RIC3: variants seen among roughly 807,000 people sequenced by gnomAD.
RIC3 encodes RIC3 acetylcholine receptor chaperone.
A neutral mutation model predicts 27.3 loss-of-function variants in RIC3; 28 were observed. The observed-to-expected ratio is 1.02, with a 90% confidence interval of 0.76 to 1.41. RIC3 has a LOEUF of 1.41. RIC3 is among the 40% of genes most tolerant of loss of function. The pLI, the probability that RIC3 is intolerant of heterozygous loss-of-function variation, is 0.00. For synonymous variants in RIC3, 184 were observed against 160.4 expected, an observed-to-expected ratio of 1.15 and a Z score of -1.11; for missense variants, 501 against 444.7, an observed-to-expected ratio of 1.13 and a Z score of -1.14.
chr11:8,109,688 G>T lies in RIC3; in HGVS notation c.*1010C>A, dbSNP rs1436410449. 6.6e-6 allele frequency: 1 copy of T among 152,106 alleles called. No homozygotes were observed. The highest frequency in any genetic ancestry group is 2.4e-5 in the African/African-American group (1 of 41,428). 9.4% of individuals were successfully genotyped at this position (152,106 alleles called of 1,614,324 possible). A position where few individuals can be genotyped will look rare whatever the true frequency, so the allele number is the denominator to read the frequency against. On this transcript the variant is annotated 3_prime_UTR_variant, in exon 6 of 6. Coordinates refer to ENST00000309737, the MANE Select transcript of RIC3 (RefSeq NM_001206671.4). ...GGTTCTGAGAAGAAATTTCTCAAAGGGTGCAACATTCAGAAACAGCTTTAG... is the reference window on the plus strand; with the variant it reads ...GGTTCTGAGAAGAAATTTCTCAAAGTGTGCAACATTCAGAAACAGCTTTAG...
At chr11:8,095,262 C>G in the RIC3 span, among the ~76,000 whole-genome samples, 1 of 152,194 alleles carries the variant, frequency 6.6e-6, no homozygotes, top group African/African-American at 2.4e-5. Context: ...GTGTTGTAAA[C>G]CAACCCTCGG....
Position 8,140,023 on chromosome 11 carries a change from T to C in RIC3, c.295A>G (p.Ile99Val). 6.2e-7 allele frequency: 1 copy of C among 1,614,084 alleles called. No individual in the cohort carries two copies. Among genetic ancestry groups the C allele is most frequent in the Non-Finnish European group, 8.5e-7 (1 of 1,180,002 alleles). ...ATCCCAAAACCGTAGATTGGAATAA[T>C]CTGCCCCATCAGACCTCTTCCACTA... ...GGSGRGLMGQ[I>V]IPIYGFGIFL... The change falls in exon 2 of 6, where the codon ATT becomes GTT. Residue 99 changes from isoleucine to valine, a missense_variant. Physicochemically the swap from Ile to Val is conservative, Grantham distance 29 (BLOSUM62 3). Transcript: ENST00000309737.
chr11:8,139,941 A>G (rs1371365921), intron 2 of RIC3, 26 bp downstream of exon 2: 1 of 1,576,966 alleles, frequency 6.3e-7, no homozygotes, highest in Non-Finnish European at 8.7e-7. Flanking sequence ...TCATTGATGT[A>G]ATATGATTAG....
the RIC3 span, among the ~76,000 whole-genome samples, chr11:8,098,242 G>C: frequency 1.3e-5 from 2 of 152,038 alleles, no homozygotes; most frequent in African/African-American, 4.8e-5. Flanking sequence ...AAGGCTCTGA[G>C]CCTAGGCCTC....
At chr11:8,104,356 ACTTCCCCAACT>A (rs1183080652), downstream of RIC3, 1 of 152,272 alleles carries the variant, frequency 6.6e-6, no homozygotes, top group Non-Finnish European at 1.5e-5. Flanking sequence ...GGTGAAGTTC[ACTTCCCCAACT>A]CTTCTCCAAG....
intron 1 of RIC3, among the ~76,000 whole-genome samples, chr11:8,161,967 T>A (rs1301076802): frequency 1.1e-5 from 1 of 93,902 alleles, no homozygotes; most frequent in Non-Finnish European, 2.2e-5. Context: ...TTGCTATAAA[T>A]GAGACACTCA....
At chr11:8,127,363 T>C (rs370933848) in intron 4 of RIC3, among the ~76,000 whole-genome samples, 2 of 152,132 alleles carry the variant, frequency 1.3e-5, no homozygotes, top group South Asian at 4.1e-4. Context: ...ACTAGAGAAA[T>C]TGAGGAAACT....
At chr11:8,131,142 ACTC>A (rs1947648579) in intron 4 of RIC3, among the ~76,000 whole-genome samples, 1 of 144,754 alleles carries the variant, frequency 6.9e-6, no homozygotes, top group Non-Finnish European at 1.5e-5. Context: ...TCACTCACTC[ACTC>A]TTCTACTTCA....
chr11:8,097,091 C>T, the RIC3 span: 1 of 970,644 alleles, frequency 1.0e-6, no homozygotes, highest in Non-Finnish European at 1.5e-6. Context: ...ACCCCAGGCC[C>T]AGGCTGGCCA....
chr11:8,131,224 C>T (rs1401484859), intron 4 of RIC3, among the ~76,000 whole-genome samples: 2 of 152,162 alleles, frequency 1.3e-5, no homozygotes, highest in Admixed American at 6.5e-5. Flanking sequence ...TAATCCCTGA[C>T]CTCACGGAGC....
chr11:8,152,793 T>C lies in RIC3; in HGVS notation c.125-12600A>G, dbSNP rs1466965878. On this transcript the variant is annotated intron_variant, in intron 1 of 5. Coordinates refer to ENST00000309737, the MANE Select transcript of RIC3 (RefSeq NM_001206671.4). ...AAGACAGCTAGTCTAACCACCTGTG[T>C]TTGATACTCTCATATGCTTCAAATT... Among the ~76,000 whole-genome samples the C allele has an allele frequency of 4.6e-5, 7 of 152,206 alleles. No homozygotes were observed. In the East Asian group the frequency reaches 1.2e-3, roughly 25 times the overall value.
downstream of RIC3, chr11:8,101,412 G>A (rs777654699): frequency 1.8e-5 from 29 of 1,580,184 alleles, no homozygotes; most frequent in African/African-American, 5.4e-5. Context: ...TGGTTTGGGT[G>A]TCTGTCTATC....
downstream of RIC3, chr11:8,104,174 T>G (rs1944424083): frequency 6.6e-6 from 1 of 152,304 alleles, no homozygotes; most frequent in Admixed American, 6.5e-5. Flanking sequence ...GTTCTTGCCC[T>G]TCATACCCTC....
chr11:8,147,239 C>G (rs902786274), intron 1 of RIC3, among the ~76,000 whole-genome samples: 6 of 152,158 alleles, frequency 3.9e-5, no homozygotes. Flanking sequence ...TGTCTCATGT[C>G]TCCCTAAAAT....
At chr11:8,131,852 G>C (rs1035772485) in intron 4 of RIC3, among the ~76,000 whole-genome samples, 2 of 121,732 alleles carry the variant, frequency 1.6e-5, no homozygotes, top group African/African-American at 6.4e-5. Context: ...AGTGACCTGA[G>C]ATTGCACCAC....
intron 4 of RIC3, among the ~76,000 whole-genome samples, chr11:8,134,030 T>A (rs1948064110): frequency 6.6e-6 from 1 of 151,954 alleles, no homozygotes; most frequent in Admixed American, 6.6e-5. Flanking sequence ...AGTTCTAGGG[T>A]ACATGTGCAC....
At chr11:8,095,705 G>C in the RIC3 span, 1 of 1,549,760 alleles carries the variant, frequency 6.5e-7, no homozygotes, top group Non-Finnish European at 8.7e-7. Context: ...CCAAAACTCA[G>C]TCCCAGGTTC....
intron 4 of RIC3, among the ~76,000 whole-genome samples, chr11:8,132,059 A>T (rs904251092): frequency 5.9e-5 from 9 of 152,314 alleles, no homozygotes; most frequent in South Asian, 4.1e-4. Flanking sequence ...AGTCCCACAT[A>T]CATAGTTGAC....
intron 1 of RIC3, among the ~76,000 whole-genome samples, chr11:8,151,100 G>A (rs1304930345): frequency 6.6e-6 from 1 of 152,064 alleles, no homozygotes; most frequent in African/African-American, 2.4e-5. Context: ...TCTTAGACAG[G>A]ACACCAAAAG....
Sources: gnomAD v4.1 joint callset for allele counts (sites outside exome capture counted in the v4.1 genomes callset) on GRCh38, gnomAD v4.1.1 for gene constraint, MANE v1.5 for transcripts, NCBI Gene and HGNC (gene_info 2026-07-23, HGNC 2026-07-21) for gene names.